HMGXB4: variants seen among roughly 807,000 people sequenced by gnomAD.
The protein encoded by HMGXB4 is HMG domain-containing protein 4.
Under a neutral mutation model 63.9 loss-of-function variants are expected in HMGXB4, and 27 were observed. The observed-to-expected ratio is 0.42, with a 90% CI of 0.31 to 0.58. The LOEUF (loss-of-function observed/expected upper bound fraction) is 0.58, where lower values mean the gene tolerates loss of function less well. Ranked by LOEUF, HMGXB4 falls within the 20% of genes least tolerant of loss-of-function variation. The pLI, the probability that HMGXB4 is intolerant of heterozygous loss-of-function variation, is 0.13. For missense variants in HMGXB4, 624 were observed against 700.7 expected (o/e 0.89, Z 1.24); for synonymous variants, 264 against 265.3 (o/e 0.99, Z 0.05).
intron 5 of HMGXB4, among the ~76,000 whole-genome samples, chr22:35,276,379 C>T (rs770908373): frequency 1.3e-5 from 2 of 152,196 alleles, no homozygotes; most frequent in Non-Finnish European, 2.9e-5. Context: ...ATTACCTTAG[C>T]TACAAACGTC....
chr22:35,257,354 A>AT (rs1383273779), upstream of HMGXB4: 2 of 152,692 alleles, frequency 1.3e-5, no homozygotes, highest in Admixed American at 6.5e-5. Context: ...TTCTCAATAA[A>AT]TAAGTGCCAG....
intron 2 of HMGXB4, chr22:35,262,866 A>T (rs1922950034): frequency 5.1e-6 from 3 of 590,860 alleles, no homozygotes; most frequent in African/African-American, 1.9e-5. Context: ...TAGCATGGAA[A>T]CATTGTTTCT....
In HMGXB4 at chr22:35,263,309, T is replaced by G. The variant is rs1043790789; in HGVS notation, c.180+83T>G. 6.4e-5 allele frequency: 76 copies of G among 1,185,824 alleles called. 1 individual carries two copies. Among genetic ancestry groups the G allele is most frequent in the Non-Finnish European group, 8.6e-5 (73 of 845,376 alleles). 73.5% of individuals were successfully genotyped at this position (1,185,824 alleles called of 1,614,324 possible). A position where few individuals can be genotyped will look rare whatever the true frequency, so the allele number is the denominator to read the frequency against. On this transcript the variant is annotated intron_variant, in intron 3 of 10. Transcript: ENST00000216106. Reference sequence around the variant, plus strand: ...TGCAGAGTTTTTTTTTGTTTTTTTTTTTTTTCTCTCATGGCCCAGGCTTGA... The same window carrying G: ...TGCAGAGTTTTTTTTTGTTTTTTTTGTTTTTCTCTCATGGCCCAGGCTTGA...
the HMGXB4 span, among the ~76,000 whole-genome samples, chr22:35,244,944 C>G: frequency 6.6e-6 from 1 of 152,176 alleles, no homozygotes; most frequent in Non-Finnish European, 1.5e-5. Context: ...AGTTTCTTTA[C>G]AGCACTGGGG....
At chr22:35,254,663 G>A (rs1015613045), upstream of HMGXB4, among the ~76,000 whole-genome samples, 56 of 152,210 alleles carry the variant, frequency 3.7e-4, no homozygotes, top group Admixed American at 6.5e-4. Flanking sequence ...GCTCCTGGGG[G>A]CCAAGGACTC....
At chr22:35,270,403 G>A (rs1568999050) in intron 5 of HMGXB4, among the ~76,000 whole-genome samples, 1 of 152,182 alleles carries the variant, frequency 6.6e-6, no homozygotes, top group African/African-American at 2.4e-5. Context: ...CTACATGATG[G>A]TGAGTTGTAT....
At chr22:35,283,699 A>G (rs1237213200) in intron 5 of HMGXB4, among the ~76,000 whole-genome samples, 1 of 152,196 alleles carries the variant, frequency 6.6e-6, no homozygotes, top group Non-Finnish European at 1.5e-5. Context: ...CTGAGGCAGG[A>G]GAATCGCTTG....
At chr22:35,285,039 C>T (rs771669649) in intron 6 of HMGXB4, among the ~76,000 whole-genome samples, 5 of 152,166 alleles carry the variant, frequency 3.3e-5, no homozygotes, top group Non-Finnish European at 5.9e-5. Flanking sequence ...TGGTAAAAAC[C>T]TAACATCTTT....
At chr22:35,252,851 A>C (rs866769040), upstream of HMGXB4, among the ~76,000 whole-genome samples, 34 of 152,226 alleles carry the variant, frequency 2.2e-4, 1 homozygote, top group African/African-American at 8.2e-4. Flanking sequence ...AAAATACAGA[A>C]ATTAGCTGGG....
rs772591551 is a variant in HMGXB4 at position 35,293,784 on chromosome 22, T to C, written c.*133T>C. 1 of 487,994 alleles carries C rather than the reference T, an allele frequency of 2.0e-6. No individual in the cohort carries two copies. The highest frequency in any genetic ancestry group is 3.7e-6 in the Non-Finnish European group (1 of 273,004). The allele number at this position is 487,994 out of a possible 1,614,324, so 30.2% of individuals were successfully genotyped here. On this transcript the variant is annotated 3_prime_UTR_variant, in exon 11 of 11. Coordinates refer to ENST00000216106, the MANE Select transcript of HMGXB4 (RefSeq NM_001003681.3). ...TTATATCTATACATACATATATACA[T>C]ATATATATAATGTACAATATATACA...
rs747487173 is a variant in HMGXB4 at position 35,265,428 on chromosome 22, G to C, written c.1040G>C (p.Gly347Ala). Residue 347 changes from glycine to alanine, a missense_variant, in exon 5 of 11, where the codon GGA becomes GCA. Transcript: ENST00000216106. ...CACTCCAAGTCCAAGAGAAGTTTAGGACTTTCTGCCGTGCCAGTGGGAGAG... is the reference window on the plus strand; with the variant it reads ...CACTCCAAGTCCAAGAGAAGTTTAGCACTTTCTGCCGTGCCAGTGGGAGAG... ...KRHSKSKRSL[G>A]LSAVPVGEVT... The C allele has an allele frequency of 6.2e-7, 1 of 1,614,014 alleles. No individual in the cohort carries two copies. Among genetic ancestry groups the C allele is most frequent in the East Asian group, 2.2e-5 (1 of 44,892 alleles).
upstream of HMGXB4, among the ~76,000 whole-genome samples, chr22:35,252,890 T>C (rs535089569): frequency 1.2e-3 from 188 of 152,104 alleles, 1 homozygote; most frequent in African/African-American, 4.4e-3. Flanking sequence ...TAATCCCAGC[T>C]CGGGAGGCTG....
rs912281912 is a variant in HMGXB4, at chr22:35,270,256, A to T, written c.1215+4653A>T. Among the ~76,000 whole-genome samples, 60 of 152,134 alleles carry T rather than the reference A, an allele frequency of 3.9e-4. 1 individual carries two copies. The highest frequency in any genetic ancestry group is 8.8e-5 in the Non-Finnish European group (6 of 68,024). ...CACCTCCTGTCAGATTAGCAGCGGC[A>T]TTAGATTCTCATAGGAGCACAAACC... On this transcript the variant is annotated intron_variant, in intron 5 of 10. Transcript: ENST00000216106.
intron 5 of HMGXB4, among the ~76,000 whole-genome samples, chr22:35,270,660 G>A (rs917585708): frequency 2.0e-5 from 3 of 152,168 alleles, no homozygotes; most frequent in East Asian, 1.9e-4. Context: ...CCTAGATAAC[G>A]TTGGAAAAAT....
At chr22:35,283,646 C>T (rs1242793648) in intron 5 of HMGXB4, among the ~76,000 whole-genome samples, 5 of 152,056 alleles carry the variant, frequency 3.3e-5, no homozygotes, top group African/African-American at 4.8e-5. Context: ...AAAAATTACC[C>T]GGGTGTGGTG....
At chr22:35,245,036 C>G in the HMGXB4 span, among the ~76,000 whole-genome samples, 3 of 152,102 alleles carry the variant, frequency 2.0e-5, no homozygotes, top group Admixed American at 6.5e-5. Flanking sequence ...CCACGCCCGG[C>G]TAACTTTTTG....
At chr22:35,249,656 T>C in the HMGXB4 span, 5 of 98,652 alleles carry the variant, frequency 5.1e-5, 2 homozygotes, top group African/African-American at 7.7e-5. Flanking sequence ...GCCATTATAG[T>C]AGAATAATGT....
intron 5 of HMGXB4, among the ~76,000 whole-genome samples, chr22:35,270,137 C>T (rs1923516286): frequency 6.6e-6 from 1 of 152,216 alleles, no homozygotes; most frequent in Admixed American, 6.5e-5. Context: ...TGTGGGGAAC[C>T]AGCCACATAG....
intron 5 of HMGXB4, among the ~76,000 whole-genome samples, chr22:35,268,509 AATCTTAAGTAGCACCTTGATG>A (rs1396447314): frequency 6.6e-6 from 1 of 151,982 alleles, no homozygotes; most frequent in Non-Finnish European, 1.5e-5. Context: ...GAGTAATCTT[AATCTTAAGTAGCACCTTGATG>A]ACGGCAGTCC....
Sources: gnomAD v4.1 joint callset for allele counts (sites outside exome capture counted in the v4.1 genomes callset) on GRCh38, gnomAD v4.1.1 for gene constraint, MANE v1.5 for transcripts, NCBI Gene and HGNC (gene_info 2026-07-23, HGNC 2026-07-21) for gene names.